RBFOX1: variants seen among roughly 807,000 people sequenced by gnomAD.
RBFOX1 encodes the protein RNA binding fox-1 homolog 1, also known as RNA binding protein fox-1 homolog 1.
RBFOX1 carries 8 observed loss-of-function variants against 57.7 expected under a neutral mutation model. The ratio of observed to expected loss-of-function variants is 0.14; its 90% CI spans 0.08 to 0.25. The LOEUF (loss-of-function observed/expected upper bound fraction) is 0.25, where lower values mean the gene tolerates loss of function less well. RBFOX1 is among the 10% of genes least tolerant of loss of function. RBFOX1 has a pLI of 1.00. For missense variants in RBFOX1, 611 were observed against 548.5 expected, an observed-to-expected ratio of 1.11 and a Z score of -1.14; for synonymous variants, 326 against 222.4, an observed-to-expected ratio of 1.47 and a Z score of -4.15.
At chr16:6,761,713 G>A (rs1432248836) in intron 3 of RBFOX1, among the ~76,000 whole-genome samples, 23 of 151,382 alleles carry the variant, frequency 1.5e-4, no homozygotes, top group African/African-American at 5.6e-4. Context: ...CACGAACTTG[G>A]CCAGGCTGGT....
In RBFOX1 at chr16:5,626,069, C is replaced by T. The variant is rs991563388; in HGVS notation, c.318+27108C>T. On this transcript the variant is annotated intron_variant, in intron 3 of 19. Transcript: ENST00000641259. Reference sequence around the variant, plus strand: ...TTTTGTATTTTCTTTTTAGTACAGACGGGTTTCTCCATGTTGGTCAGGCTG... The same window carrying T: ...TTTTGTATTTTCTTTTTAGTACAGATGGGTTTCTCCATGTTGGTCAGGCTG... Among the ~76,000 whole-genome samples the T allele has an allele frequency of 2.2e-4, 33 of 152,060 alleles. No individual in the cohort carries two copies. The South Asian group carries it at 2.3e-3, about 11-fold the overall frequency.
intron 4 of RBFOX1, among the ~76,000 whole-genome samples, chr16:7,104,838 C>T (rs1391110467): frequency 2.0e-5 from 3 of 152,106 alleles, no homozygotes; most frequent in Admixed American, 6.6e-5. Flanking sequence ...ACACATTCTT[C>T]AAGGGAGAAC....
intron 3 of RBFOX1, among the ~76,000 whole-genome samples, chr16:5,769,485 TAC>T (rs1466568539): frequency 2.1e-5 from 2 of 96,796 alleles, no homozygotes; most frequent in East Asian, 3.5e-4. Flanking sequence ...TACTAAAAAA[TAC>T]AAAAAAAAAA....
intron 3 of RBFOX1, among the ~76,000 whole-genome samples, chr16:6,708,981 T>C (rs1460536993): frequency 1.4e-5 from 1 of 73,228 alleles, no homozygotes; most frequent in Non-Finnish European, 2.7e-5. Context: ...CAAGCTTTTC[T>C]TTTTTTTTTA....
At chr16:6,093,864 C>T (rs2152538220) in intron 1 of RBFOX1, among the ~76,000 whole-genome samples, 1 of 152,114 alleles carries the variant, frequency 6.6e-6, no homozygotes, top group Non-Finnish European at 1.5e-5. Context: ...AAGCAATTCT[C>T]CCTCCTCCGC....
At chr16:7,232,762 A>T (rs1160697876) in intron 4 of RBFOX1, among the ~76,000 whole-genome samples, 1 of 151,144 alleles carries the variant, frequency 6.6e-6, no homozygotes, top group Non-Finnish European at 1.5e-5. Context: ...AATTGCTTGA[A>T]CCTGGGAGGG....
chr16:7,162,932 C>T (rs753663444), intron 4 of RBFOX1, among the ~76,000 whole-genome samples: 1 of 152,112 alleles, frequency 6.6e-6, no homozygotes, highest in Non-Finnish European at 1.5e-5. Context: ...GTTTTCTTCC[C>T]GTTTTGGCCA....
At chr16:6,726,317 A>C (rs1325510914) in intron 3 of RBFOX1, among the ~76,000 whole-genome samples, 1 of 152,176 alleles carries the variant, frequency 6.6e-6, no homozygotes, top group African/African-American at 2.4e-5. Flanking sequence ...GTGTGCTTTC[A>C]AATTACTACC....
chr16:5,401,010 T>C (rs1175007431), intron 1 of RBFOX1, among the ~76,000 whole-genome samples: 2 of 152,176 alleles, frequency 1.3e-5, no homozygotes, highest in Admixed American at 6.5e-5. Flanking sequence ...GCAGATATTT[T>C]CCAGGGTTGT....
chr16:6,974,148 G>T (rs1284531916), intron 3 of RBFOX1, among the ~76,000 whole-genome samples: 1 of 152,008 alleles, frequency 6.6e-6, no homozygotes, highest in African/African-American at 2.4e-5. Context: ...TGGTGTATAT[G>T]TACCACATTT....
At chr16:7,416,819 C>A (rs537946052) in intron 4 of RBFOX1, among the ~76,000 whole-genome samples, 1 of 152,040 alleles carries the variant, frequency 6.6e-6, no homozygotes, top group Non-Finnish European at 1.5e-5. Flanking sequence ...CAACTCCCTA[C>A]TAAATGCCAA....
At chr16:5,291,843 T>C (rs1452380217) in intron 1 of RBFOX1, among the ~76,000 whole-genome samples, 1 of 151,876 alleles carries the variant, frequency 6.6e-6, no homozygotes, top group East Asian at 1.9e-4. Flanking sequence ...TGAATGTGGG[T>C]TGGGTTGGCT....
intron 1 of RBFOX1, among the ~76,000 whole-genome samples, chr16:6,062,799 C>T (rs1017063443): frequency 3.3e-5 from 5 of 151,920 alleles, no homozygotes; most frequent in African/African-American, 1.2e-4. Context: ...TCATGTGCTT[C>T]TAGGGGCGGC....
At chr16:5,569,270 G>A (rs1055599132) in intron 2 of RBFOX1, among the ~76,000 whole-genome samples, 2 of 151,266 alleles carry the variant, frequency 1.3e-5, no homozygotes, top group South Asian at 2.1e-4. Flanking sequence ...GATGTTGGAG[G>A]AGTCAGCAGA....
intron 1 of RBFOX1, among the ~76,000 whole-genome samples, chr16:6,307,587 T>C (rs1010179626): frequency 6.7e-6 from 1 of 148,348 alleles, no homozygotes; most frequent in African/African-American, 2.4e-5. Flanking sequence ...ATAGAGAAAA[T>C]GATATAACAA....
intron 5 of RBFOX1, among the ~76,000 whole-genome samples, chr16:7,520,635 C>T (rs57756719): frequency 1.3e-5 from 2 of 152,248 alleles, no homozygotes; most frequent in Non-Finnish European, 1.5e-5. Flanking sequence ...CTCCTGCTGC[C>T]GACTTTTTTG....
intron 1 of RBFOX1, among the ~76,000 whole-genome samples, chr16:6,054,517 A>G (rs1440945219): frequency 2.0e-5 from 3 of 152,164 alleles, no homozygotes; most frequent in African/African-American, 7.2e-5. Flanking sequence ...AGGTCAAATT[A>G]AGTCTCAGGT....
At chr16:6,753,345 A>C (rs2075269958) in intron 3 of RBFOX1, among the ~76,000 whole-genome samples, 1 of 152,206 alleles carries the variant, frequency 6.6e-6, no homozygotes, top group Non-Finnish European at 1.5e-5. Flanking sequence ...GCAGTATTGG[A>C]AAAATATGGT....
intron 1 of RBFOX1, among the ~76,000 whole-genome samples, chr16:6,215,432 C>G (rs947543083): frequency 1.7e-5 from 2 of 119,002 alleles, no homozygotes; most frequent in East Asian, 2.4e-4. Context: ...GGGAGAGGGA[C>G]AGGGAGAGAA....
Sources: gnomAD v4.1 joint callset for allele counts (sites outside exome capture counted in the v4.1 genomes callset) on GRCh38, gnomAD v4.1.1 for gene constraint, MANE v1.5 for transcripts, NCBI Gene and HGNC (gene_info 2026-07-23, HGNC 2026-07-21) for gene names.